The following ANKRD30BL variants were observed in gnomAD, a reference collection of about 807,000 sequenced individuals.
ANKRD30BL encodes the protein ankyrin repeat domain 30B like.
Under a neutral mutation model 18.4 loss-of-function variants are expected in ANKRD30BL, and 20 were observed. That is an observed-to-expected ratio of 1.09 (90% CI 0.77 to 1.58). The LOEUF is 1.58. Among genes scored for constraint, ANKRD30BL ranks in the 40% most tolerant of loss-of-function variants. ANKRD30BL has a pLI of 0.00. For synonymous variants in ANKRD30BL, 72 were observed against 100.9 expected, an observed-to-expected ratio of 0.71 and a Z score of 1.72; for missense variants, 224 against 268.6, an observed-to-expected ratio of 0.83 and a Z score of 1.16.
rs371416325 is a variant in ANKRD30BL, at chr2:132,211,418, C to A, written n.441+46111G>T. Among the ~76,000 whole-genome samples, 19 of 152,130 alleles carry A rather than the reference C, an allele frequency of 1.2e-4. No individual in the cohort carries two copies. In the East Asian group the frequency reaches 3.1e-3, roughly 25 times the overall value. On this transcript the variant is annotated intron_variant and non_coding_transcript_variant, in intron 1 of 4. Transcript: ENST00000470729. ...TTTTCACGTAAAAAGTAGACAGAAG[C>A]ATTCTGAGAAACTTCTGTGTGATAT...
intron 1 of ANKRD30BL, among the ~76,000 whole-genome samples, chr2:132,192,917 G>T (rs1678890182): frequency 6.6e-6 from 1 of 152,256 alleles, no homozygotes; most frequent in Non-Finnish European, 1.5e-5. Context: ...AATATAAACA[G>T]ATTTCTTTGC....
chr2:132,179,542 G>A (rs1688425093), intron 1 of ANKRD30BL, among the ~76,000 whole-genome samples: 1 of 152,052 alleles, frequency 6.6e-6, no homozygotes, highest in South Asian at 2.1e-4. Flanking sequence ...TCCCGCCTCA[G>A]CCTCCCAAAT....
chr2:132,190,864 G>C (rs1363205500), intron 1 of ANKRD30BL, among the ~76,000 whole-genome samples: 1 of 152,060 alleles, frequency 6.6e-6, no homozygotes, highest in Non-Finnish European at 1.5e-5. Context: ...GCCAGTTACT[G>C]TGTCTATTAC....
chr2:132,157,742 A>T (rs1159179405), intron 1 of ANKRD30BL, among the ~76,000 whole-genome samples: 1 of 152,210 alleles, frequency 6.6e-6, no homozygotes. Context: ...AGTGAAGATG[A>T]ATACAGTAGT....
chr2:132,223,770 C>G (rs552046564), intron 1 of ANKRD30BL, among the ~76,000 whole-genome samples: 2 of 152,012 alleles, frequency 1.3e-5, no homozygotes, highest in Non-Finnish European at 2.9e-5. Context: ...GGCTTTCAGG[C>G]CTACAGTGGA....
At chr2:132,234,760 A>G (rs1016664530) in intron 1 of ANKRD30BL, among the ~76,000 whole-genome samples, 1 of 152,172 alleles carries the variant, frequency 6.6e-6, no homozygotes, top group Non-Finnish European at 1.5e-5. Context: ...CAGAGGTACA[A>G]GGAGGAACTG....
chr2:132,168,635 A>G (rs1688226331), intron 1 of ANKRD30BL, among the ~76,000 whole-genome samples: 1 of 152,172 alleles, frequency 6.6e-6, no homozygotes, highest in Non-Finnish European at 1.5e-5. Context: ...AATTCTGGAT[A>G]CCTAACATAT....
At chr2:132,199,837 T>C (rs1398821804) in intron 1 of ANKRD30BL, among the ~76,000 whole-genome samples, 18 of 152,090 alleles carry the variant, frequency 1.2e-4, no homozygotes, top group Non-Finnish European at 2.2e-4. Flanking sequence ...AAGAGGGCAA[T>C]ATACGGGTAG....
At chr2:132,168,645 T>C (rs1688226554) in intron 1 of ANKRD30BL, among the ~76,000 whole-genome samples, 1 of 152,156 alleles carries the variant, frequency 6.6e-6, no homozygotes, top group Admixed American at 6.5e-5. Flanking sequence ...ACCTAACATA[T>C]ATAGCATAGT....
At chr2:132,202,247 T>A (rs1017065638) in intron 1 of ANKRD30BL, among the ~76,000 whole-genome samples, 25 of 152,006 alleles carry the variant, frequency 1.6e-4, no homozygotes, top group Non-Finnish European at 4.4e-5. Context: ...CATATGTAAC[T>A]AACCTGCACA....
At chr2:132,220,806 C>T (rs369960676) in intron 1 of ANKRD30BL, among the ~76,000 whole-genome samples, 6 of 151,268 alleles carry the variant, frequency 4.0e-5, no homozygotes, top group East Asian at 3.9e-4. Context: ...AAGTGAGGAG[C>T]GTCTCTGCCT....
intron 1 of ANKRD30BL, among the ~76,000 whole-genome samples, chr2:132,230,525 G>A (rs1391059957): frequency 6.6e-6 from 1 of 151,946 alleles, no homozygotes; most frequent in East Asian, 1.9e-4. Context: ...TATGATGTTT[G>A]CATTCAGCTC....
At chr2:132,257,207 A>G (rs891827818) in intron 1 of ANKRD30BL, 19 of 409,222 alleles carry the variant, frequency 4.6e-5, no homozygotes, top group Non-Finnish European at 9.2e-5. Flanking sequence ...AAGCTCCAGG[A>G]GACCGGCATG....
Position 132,199,317 on chromosome 2 carries a change from G to A in ANKRD30BL, n.442-42171C>T, listed in dbSNP as rs549538051. Among the ~76,000 whole-genome samples, 11 of 152,116 alleles carry A rather than the reference G, an allele frequency of 7.2e-5. No individual in the cohort carries two copies. The South Asian group carries it at 1.2e-3, about 17-fold the overall frequency. ...ATAGGTTGCAATGAGCCAAGGATGC[G>A]CCACTGCACTGCAGCCTGGAGACAC... On this transcript the variant is annotated intron_variant and non_coding_transcript_variant, in intron 1 of 4. Transcript: ENST00000470729.
chr2:132,235,121 T>C (rs1277095811), intron 1 of ANKRD30BL, among the ~76,000 whole-genome samples: 1 of 152,154 alleles, frequency 6.6e-6, no homozygotes, highest in East Asian at 1.9e-4. Context: ...GAAAAAGCCT[T>C]TGACAAAATT....
chr2:132,189,587 T>C lies in ANKRD30BL; in HGVS notation n.442-32441A>G, dbSNP rs998287124. ...ATTCCATATTTCCTGTAAGTTTGCC[T>C]ATTCAGAAAGCTGCATTTACATACA... is the stretch of plus-strand genomic sequence containing the variant. On this transcript the variant is annotated intron_variant and non_coding_transcript_variant, in intron 1 of 4. Coordinates refer to the ANKRD30BL transcript ENST00000470729. Among the ~76,000 whole-genome samples the C allele has an allele frequency of 1.1e-3, 169 of 151,558 alleles. 1 individual carries two copies. The highest frequency in any genetic ancestry group is 3.6e-3 in the African/African-American group (148 of 41,310).
chr2:132,234,311 G>A (rs1028804166), intron 1 of ANKRD30BL, among the ~76,000 whole-genome samples: 1 of 152,000 alleles, frequency 6.6e-6, no homozygotes, highest in Non-Finnish European at 1.5e-5. Flanking sequence ...TCAAAAGCTA[G>A]CAGAAGGCAA....
intron 1 of ANKRD30BL, among the ~76,000 whole-genome samples, chr2:132,213,221 C>T (rs1224458414): frequency 5.3e-5 from 8 of 150,866 alleles, no homozygotes; most frequent in Admixed American, 1.3e-4. Flanking sequence ...CAGAGTTGAA[C>T]TTCTCCTTAG....
At position 132,239,566 on chromosome 2, in the gene ANKRD30BL, T is replaced by C. The variant is rs531485429; in HGVS notation, n.441+17963A>G. Among the ~76,000 whole-genome samples, 205 of 151,448 alleles carry C rather than the reference T, an allele frequency of 1.4e-3. 1 individual carries two copies. Among genetic ancestry groups the C allele is most frequent in the African/African-American group, 4.6e-3 (191 of 41,412 alleles). On this transcript the variant is annotated intron_variant and non_coding_transcript_variant, in intron 1 of 4. Coordinates refer to the ANKRD30BL transcript ENST00000470729. ...TATTCTTTTGATAGAGCAGTTTTGA[T>C]ACACCCTTTTTGTTAAAATCTGCAA...
Sources: gnomAD v4.1 joint callset for allele counts (sites outside exome capture counted in the v4.1 genomes callset) on GRCh38, gnomAD v4.1.1 for gene constraint, MANE v1.5 for transcripts, NCBI Gene and HGNC (gene_info 2026-07-23, HGNC 2026-07-21) for gene names.